NRXN1: variants seen among roughly 807,000 people sequenced by gnomAD.
NRXN1 encodes the protein neurexin-1.
A neutral mutation model predicts 150.9 loss-of-function variants in NRXN1; 39 were observed. The observed-to-expected ratio is 0.26, with a 90% confidence interval of 0.20 to 0.34. The LOEUF (loss-of-function observed/expected upper bound fraction) is 0.34. NRXN1 is among the 10% of genes least tolerant of loss of function. The pLI, the probability that NRXN1 is intolerant of heterozygous loss-of-function variation, is 1.00. For synonymous variants in NRXN1, 924 were observed against 757.0 expected (o/e 1.22, Z -3.62); for missense variants, 1,815 against 1,949.9 (o/e 0.93, Z 1.30).
At chr2:50,995,211 A>ATAGTTATTAAGGT (rs1699080642) in intron 2 of NRXN1, among the ~76,000 whole-genome samples, 1 of 152,018 alleles carries the variant, frequency 6.6e-6, no homozygotes, top group Admixed American at 6.6e-5. Flanking sequence ...TCATTAAGTT[A>ATAGTTATTAAGGT]CGCCTTATAG....
chr2:50,272,724 C>G (rs1392594260), intron 17 of NRXN1, among the ~76,000 whole-genome samples: 1 of 151,988 alleles, frequency 6.6e-6, no homozygotes, highest in African/African-American at 2.4e-5. Context: ...GTGATAATCT[C>G]CCCAAAAGGG....
rs17040032 is a variant in NRXN1 at position 50,157,867 on chromosome 2, T to C, written c.3547-66373A>G. Among the ~76,000 whole-genome samples the C allele has an allele frequency of 4.4e-3, 671 of 151,620 alleles. 4 individuals are homozygous for C. Among genetic ancestry groups the C allele is most frequent in the African/African-American group, 0.015 (615 of 41,366 alleles). Reference sequence around the variant, plus strand: ...TTGGTAGGATGATCTTCTGAACACATTGAATTTGAGGTATTGAGGGGCCAT... The same window carrying C: ...TTGGTAGGATGATCTTCTGAACACACTGAATTTGAGGTATTGAGGGGCCAT... On this transcript the variant is annotated intron_variant, in intron 18 of 22. Transcript: ENST00000401669.
intron 5 of NRXN1, among the ~76,000 whole-genome samples, chr2:50,853,447 C>T (rs369734118): frequency 2.6e-5 from 4 of 152,048 alleles, no homozygotes; most frequent in Admixed American, 6.5e-5. Context: ...TTAAGTTGTG[C>T]GTTTTACTTG....
At chr2:50,893,194 C>G (rs1159748556) in intron 5 of NRXN1, among the ~76,000 whole-genome samples, 2 of 152,112 alleles carry the variant, frequency 1.3e-5, no homozygotes, top group Non-Finnish European at 2.9e-5. Flanking sequence ...GAGCATTTGT[C>G]CCCTGGAGCA....
intron 18 of NRXN1, among the ~76,000 whole-genome samples, chr2:50,145,079 G>A (rs1707812982): frequency 6.6e-6 from 1 of 151,574 alleles, no homozygotes; most frequent in Non-Finnish European, 1.5e-5. Context: ...AACAAATATA[G>A]AGAAGAAAAT....
At chr2:50,034,620 T>G (rs1418409337) in intron 21 of NRXN1, among the ~76,000 whole-genome samples, 5 of 151,994 alleles carry the variant, frequency 3.3e-5, no homozygotes. Context: ...ATAACAAACC[T>G]GCACATGTAC....
chr2:50,588,909 T>C (rs1673627233), intron 8 of NRXN1: 1 of 152,192 alleles, frequency 6.6e-6, no homozygotes, highest in Non-Finnish European at 1.5e-5. Context: ...ACTGTGAATA[T>C]ATGATGAGCT....
At chr2:50,025,949 C>G (rs936103650) in intron 21 of NRXN1, among the ~76,000 whole-genome samples, 3 of 152,202 alleles carry the variant, frequency 2.0e-5, no homozygotes, top group African/African-American at 7.2e-5. Context: ...CCAGTCCCAA[C>G]TGGGAAGATT....
At chr2:50,952,849 C>G (rs998061657) in intron 2 of NRXN1, among the ~76,000 whole-genome samples, 1 of 152,142 alleles carries the variant, frequency 6.6e-6, no homozygotes, top group African/African-American at 2.4e-5. Flanking sequence ...ATTTTACATA[C>G]GTTGCCATTT....
chr2:50,867,133 T>C (rs1339790810), intron 5 of NRXN1, among the ~76,000 whole-genome samples: 1 of 151,950 alleles, frequency 6.6e-6, no homozygotes, highest in African/African-American at 2.4e-5. Context: ...ATGAGCTTTT[T>C]ACTTTTGTTT....
intron 18 of NRXN1, among the ~76,000 whole-genome samples, chr2:50,100,228 C>A (rs902627007): frequency 2.0e-5 from 3 of 152,026 alleles, no homozygotes; most frequent in Non-Finnish European, 4.4e-5. Flanking sequence ...TATGTTTCTT[C>A]CCAAGAAAGT....
At chr2:50,481,341 C>A (rs559010303) in intron 15 of NRXN1, among the ~76,000 whole-genome samples, 5 of 152,192 alleles carry the variant, frequency 3.3e-5, no homozygotes, top group African/African-American at 1.2e-4. Context: ...ACAACTGGTA[C>A]AATAAGAGAC....
chr2:50,791,125 G>GTT (rs535114226), intron 5 of NRXN1, among the ~76,000 whole-genome samples: 12 of 131,978 alleles, frequency 9.1e-5, no homozygotes, highest in African/African-American at 3.0e-4. Context: ...CAATCAAAAT[G>GTT]TTTTTTTTTT....
intron 5 of NRXN1, among the ~76,000 whole-genome samples, chr2:50,716,870 A>G (rs569787985): frequency 6.6e-6 from 1 of 152,230 alleles, no homozygotes; most frequent in East Asian, 1.9e-4. Context: ...ATATTTTATG[A>G]TGTCTCTTCT....
Position 49,918,687 on chromosome 2 carries a change from C to T in NRXN1, c.*3257G>A, listed in dbSNP as rs939266663. ...ACAAAAGTACATTTAATGGCTACAT[C>T]TTTAAGTGTATGAATATAGAGGTCT... On this transcript the variant is annotated 3_prime_UTR_variant, in exon 23 of 23. Transcript: ENST00000401669. 3 of 152,098 alleles carry T rather than the reference C, an allele frequency of 2.0e-5. No homozygotes were observed. Among genetic ancestry groups the T allele is most frequent in the Admixed American group, 2.0e-4 (3 of 15,276 alleles). The allele number at this position is 152,098 out of a possible 1,614,324, so 9.4% of individuals were successfully genotyped here.
intron 18 of NRXN1, among the ~76,000 whole-genome samples, chr2:50,158,308 C>G (rs565526173): frequency 2.6e-5 from 4 of 151,442 alleles, no homozygotes; most frequent in Non-Finnish European, 5.9e-5. Context: ...TATTCTCCAG[C>G]TTCAATCCAT....
chr2:50,486,586 A>C (rs540630618), intron 15 of NRXN1, among the ~76,000 whole-genome samples: 1 of 152,240 alleles, frequency 6.6e-6, no homozygotes, highest in Non-Finnish European at 1.5e-5. Flanking sequence ...AATTCTTTTT[A>C]CAGTCCCAGA....
At chr2:50,412,798 T>C (rs2083283199) in intron 17 of NRXN1, among the ~76,000 whole-genome samples, 1 of 152,306 alleles carries the variant, frequency 6.6e-6, no homozygotes, top group South Asian at 2.1e-4. Context: ...ACAATGATCT[T>C]ATTTTCAACA....
intron 21 of NRXN1, among the ~76,000 whole-genome samples, chr2:49,959,965 T>G (rs942080850): frequency 6.6e-6 from 1 of 152,050 alleles, no homozygotes; most frequent in East Asian, 1.9e-4. Context: ...TGCAAATGTA[T>G]TTTTTTTCCT....
Sources: allele counts gnomAD v4.1 joint callset (sites outside exome capture counted in the v4.1 genomes callset), GRCh38; gene constraint gnomAD v4.1.1; transcripts MANE v1.5; gene names NCBI Gene and HGNC (gene_info 2026-07-23, HGNC 2026-07-21).